The following DTNB variants were observed in gnomAD, a reference collection of about 807,000 sequenced individuals.
The protein encoded by DTNB is DTN-B.
A neutral mutation model predicts 90.7 loss-of-function variants in DTNB; 63 were observed. That is an observed-to-expected ratio of 0.69 (90% CI 0.57 to 0.86). The LOEUF is 0.86. DTNB is among the 40% of genes least tolerant of loss of function. DTNB has a pLI of 0.00. For missense variants in DTNB, 744 were observed against 807.1 expected, an observed-to-expected ratio of 0.92 and a Z score of 0.95; for synonymous variants, 277 against 286.7, an observed-to-expected ratio of 0.97 and a Z score of 0.34.
intron 14 of DTNB, among the ~76,000 whole-genome samples, chr2:25,428,791 G>A (rs1443060902): frequency 6.6e-6 from 1 of 152,074 alleles, no homozygotes; most frequent in African/African-American, 2.4e-5. Context: ...CCTCAAAGTT[G>A]AGTATCAGCA....
intron 8 of DTNB, among the ~76,000 whole-genome samples, chr2:25,546,465 T>C (rs1229039145): frequency 6.6e-6 from 1 of 152,254 alleles, no homozygotes; most frequent in African/African-American, 2.4e-5. Flanking sequence ...GGAGTTTTTC[T>C]AGCCCCTCTT....
chr2:25,652,716 G>C (rs1429860677), intron 1 of DTNB, 55 bp from the exon 2 acceptor site: 1 of 1,569,876 alleles, frequency 6.4e-7, no homozygotes, highest in African/African-American at 1.4e-5. Context: ...ATTCAATCAA[G>C]TGCTAATCAT....
In DTNB at chr2:25,576,790, T is replaced by G. The variant is rs1251771076; in HGVS notation, c.876+48A>C. The G allele has an allele frequency of 2.6e-6, 4 of 1,546,594 alleles. No homozygotes were observed. The Admixed American group carries it at 5.7e-5, about 22-fold the overall frequency. ...AAACTGGCCCAGGTGCTGTTACTGA[T>G]CAAACAGATTAACACTCAGGGACAC... is the stretch of plus-strand genomic sequence containing the variant. On this transcript the variant is annotated intron_variant, in intron 8 of 20. Transcript: ENST00000406818.
At chr2:25,437,261 T>A (rs1324275216) in intron 12 of DTNB, among the ~76,000 whole-genome samples, 2 of 151,950 alleles carry the variant, frequency 1.3e-5, no homozygotes, top group African/African-American at 2.4e-5. Flanking sequence ...CTTTTATCTA[T>A]GTACTTTTTT....
rs570567709 is a variant in DTNB, at chr2:25,548,622, GC to G, written c.877-17026del. Among the ~76,000 whole-genome samples the G allele has an allele frequency of 1.2e-3, 185 of 152,250 alleles. 1 individual carries two copies. Among genetic ancestry groups the G allele is most frequent in the African/African-American group, 4.2e-3 (174 of 41,546 alleles). ...GAATGGCAAGATGTGAGCGCAGTCA[GC>G]CTGGAGTGGAGTAAGGGGGAGTAGG... On this transcript the variant is annotated intron_variant, in intron 8 of 20. Coordinates refer to ENST00000406818, the MANE Select transcript of DTNB (RefSeq NM_021907.5).
At chr2:25,517,021 T>C (rs983952545) in intron 9 of DTNB, among the ~76,000 whole-genome samples, 2 of 152,234 alleles carry the variant, frequency 1.3e-5, no homozygotes, top group Admixed American at 6.5e-5. Flanking sequence ...AGCAGCGTTA[T>C]TCATAAGAGT....
chr2:25,382,104 C>CT (rs1015598076), intron 19 of DTNB, among the ~76,000 whole-genome samples: 2 of 152,346 alleles, frequency 1.3e-5, no homozygotes, highest in African/African-American at 4.8e-5. Flanking sequence ...CTGGCAGGTT[C>CT]TTTCACTCCC....
intron 1 of DTNB, among the ~76,000 whole-genome samples, chr2:25,654,212 T>G (rs991763605): frequency 6.6e-6 from 1 of 152,226 alleles, no homozygotes; most frequent in African/African-American, 2.4e-5. Flanking sequence ...TATAACTCCC[T>G]GCTCACAAAA....
chr2:25,575,450 CACA>C (rs1439152337), intron 8 of DTNB, among the ~76,000 whole-genome samples: 1 of 151,626 alleles, frequency 6.6e-6, no homozygotes, highest in Non-Finnish European at 1.5e-5. Context: ...GAATTCACAA[CACA>C]ACAAGACCCA....
chr2:25,390,382 A>T (rs919187406), intron 16 of DTNB, among the ~76,000 whole-genome samples: 11 of 152,150 alleles, frequency 7.2e-5, no homozygotes, highest in African/African-American at 2.4e-4. Context: ...TAAAAACAAA[A>T]CCAAACAGAT....
chr2:25,596,405 T>G (rs2064649886), intron 5 of DTNB, 165 bp from the exon 6 acceptor site: 3 of 729,484 alleles, frequency 4.1e-6, no homozygotes, highest in Non-Finnish European at 6.0e-6. Context: ...TTATTAACAC[T>G]GTGTGGCTAC....
chr2:25,488,848 G>A (rs778529686), intron 9 of DTNB, among the ~76,000 whole-genome samples: 12 of 152,048 alleles, frequency 7.9e-5, no homozygotes, highest in Non-Finnish European at 1.5e-4. Context: ...ACGGGGTTTC[G>A]CCATGTTGGC....
At chr2:25,404,782 G>A (rs1044354821) in intron 16 of DTNB, among the ~76,000 whole-genome samples, 1 of 152,096 alleles carries the variant, frequency 6.6e-6, no homozygotes, top group African/African-American at 2.4e-5. Flanking sequence ...TTGAACCTGG[G>A]AGACAGAGGT....
chr2:25,578,043 T>A (rs1055353923), intron 7 of DTNB, among the ~76,000 whole-genome samples: 1 of 152,018 alleles, frequency 6.6e-6, no homozygotes, highest in Admixed American at 6.6e-5. Context: ...GATAGAATAT[T>A]CAAATCTTCA....
intron 2 of DTNB, among the ~76,000 whole-genome samples, chr2:25,649,397 T>C (rs2080324159): frequency 6.6e-6 from 1 of 151,728 alleles, no homozygotes; most frequent in East Asian, 1.9e-4. Flanking sequence ...AAAGGAAGAG[T>C]CAAAATTGTC....
chr2:25,445,088 A>C (rs1215054575), intron 12 of DTNB, among the ~76,000 whole-genome samples: 1 of 152,256 alleles, frequency 6.6e-6, no homozygotes. Context: ...AAATCTTTTC[A>C]AGGTCAAATG....
chr2:25,504,584 A>G (rs2071857692), intron 9 of DTNB, among the ~76,000 whole-genome samples: 1 of 151,474 alleles, frequency 6.6e-6, no homozygotes. Context: ...AAGAAAAGAA[A>G]AGAAAGAGAA....
At chr2:25,381,513 G>C (rs1573602074) in intron 19 of DTNB, among the ~76,000 whole-genome samples, 1 of 152,292 alleles carries the variant, frequency 6.6e-6, no homozygotes, top group East Asian at 1.9e-4. Flanking sequence ...CAAAGCAGCT[G>C]GGACTACAGG....
intron 8 of DTNB, among the ~76,000 whole-genome samples, chr2:25,549,577 G>T (rs979862586): frequency 2.6e-5 from 4 of 152,006 alleles, no homozygotes; most frequent in Admixed American, 2.6e-4. Context: ...GACCTAAATT[G>T]CAACTTATTA....
Sources: gnomAD v4.1 joint callset for allele counts (sites outside exome capture counted in the v4.1 genomes callset) on GRCh38, gnomAD v4.1.1 for gene constraint, MANE v1.5 for transcripts, NCBI Gene and HGNC (gene_info 2026-07-23, HGNC 2026-07-21) for gene names.